The following NRG1 variants were observed in gnomAD, a reference collection of about 807,000 sequenced individuals.
NRG1 encodes pro-neuregulin-1, membrane-bound isoform.
A neutral mutation model predicts 63.8 loss-of-function variants in NRG1; 18 were observed. That is an observed-to-expected ratio of 0.28 (90% CI 0.19 to 0.42). NRG1 has a LOEUF of 0.42. Among genes scored for constraint, NRG1 ranks in the 10% least tolerant of loss-of-function variants. NRG1 has a pLI of 1.00. For synonymous variants in NRG1, 302 were observed against 301.3 expected, an observed-to-expected ratio of 1.00 and a Z score of -0.02; for missense variants, 762 against 814.7, an observed-to-expected ratio of 0.94 and a Z score of 0.79.
At chr8:32,283,293 G>T (rs925934872) in intron 1 of NRG1, among the ~76,000 whole-genome samples, 2 of 152,042 alleles carry the variant, frequency 1.3e-5, no homozygotes, top group African/African-American at 4.8e-5. Context: ...ACCTTTAGGA[G>T]ACAAGTTTCT....
At chr8:32,160,220 A>G (rs184218831) in intron 1 of NRG1, among the ~76,000 whole-genome samples, 56 of 152,348 alleles carry the variant, frequency 3.7e-4, no homozygotes, top group African/African-American at 1.3e-3. Flanking sequence ...TAAGGCAGAC[A>G]CGTTCAAATA....
At chr8:32,427,820 C>T (rs1010143981) in intron 1 of NRG1, among the ~76,000 whole-genome samples, 1 of 152,094 alleles carries the variant, frequency 6.6e-6, no homozygotes, top group African/African-American at 2.4e-5. Flanking sequence ...GGAGAAATGC[C>T]TCATTATTTA....
At chr8:32,186,392 C>T (rs947588801) in intron 1 of NRG1, among the ~76,000 whole-genome samples, 3 of 143,958 alleles carry the variant, frequency 2.1e-5, no homozygotes, top group Admixed American at 7.3e-5. Flanking sequence ...ACCCAGCTGG[C>T]GGAGTTTGCA....
At chr8:32,280,095 A>C (rs536226635) in intron 1 of NRG1, among the ~76,000 whole-genome samples, 2 of 152,324 alleles carry the variant, frequency 1.3e-5, no homozygotes, top group African/African-American at 4.8e-5. Context: ...AATGCTGATA[A>C]ATTCCTGTAT....
intron 1 of NRG1, among the ~76,000 whole-genome samples, chr8:32,225,423 T>C (rs1279823710): frequency 1.3e-5 from 2 of 152,170 alleles, no homozygotes; most frequent in African/African-American, 4.8e-5. Flanking sequence ...GCTACCCCTA[T>C]GCTGCCTAGG....
chr8:32,123,297 G>A (rs567135225), intron 1 of NRG1, among the ~76,000 whole-genome samples: 2 of 152,028 alleles, frequency 1.3e-5, no homozygotes, highest in South Asian at 2.1e-4. Context: ...AATCATGGGA[G>A]CAGGTCTTTC....
chr8:32,643,434 G>A (rs1035708074), intron 5 of NRG1, among the ~76,000 whole-genome samples: 2 of 152,174 alleles, frequency 1.3e-5, no homozygotes, highest in Non-Finnish European at 2.9e-5. Context: ...CAAGCCACAA[G>A]GAGAGGCCAC....
chr8:32,631,659 A>C (rs1850337358), intron 5 of NRG1, among the ~76,000 whole-genome samples: 1 of 152,200 alleles, frequency 6.6e-6, no homozygotes. Flanking sequence ...CATATGCATT[A>C]ATCACTGGGT....
intron 3 of NRG1, 47 bp from the exon 4 acceptor site, chr8:32,614,467 G>A (rs767148387): frequency 1.8e-5 from 29 of 1,586,180 alleles, no homozygotes; most frequent in South Asian, 5.6e-5. Context: ...ACCTGCTCCC[G>A]GCCTCCTGTT....
At chr8:32,012,275 G>GA (rs1366380558) in intron 1 of NRG1, among the ~76,000 whole-genome samples, 10 of 152,074 alleles carry the variant, frequency 6.6e-5, no homozygotes, top group Non-Finnish European at 1.5e-4. Flanking sequence ...TGCCAGCCAT[G>GA]AAAAATGCTT....
intron 1 of NRG1, among the ~76,000 whole-genome samples, chr8:32,080,821 CAGAA>C (rs201798261): frequency 0.01 from 1,538 of 147,916 alleles, 24 homozygotes; most frequent in African/African-American, 0.036. Context: ...CAGAGACAGA[CAGAA>C]AGAGAGTGCT....
At chr8:32,732,931 C>CCAAG (rs1824097418) in intron 6 of NRG1, among the ~76,000 whole-genome samples, 1 of 151,214 alleles carries the variant, frequency 6.6e-6, no homozygotes, top group South Asian at 2.1e-4. Flanking sequence ...CTTCAGCCTC[C>CCAAG]CAAGTAGCTG....
chr8:32,420,606 G>T (rs146799544), intron 1 of NRG1, among the ~76,000 whole-genome samples: 5 of 149,618 alleles, frequency 3.3e-5, no homozygotes, highest in East Asian at 3.9e-4. Context: ...ACATGCTATT[G>T]GTTAATCCAT....
At chr8:32,084,327 T>C (rs1827914629) in intron 1 of NRG1, among the ~76,000 whole-genome samples, 1 of 152,162 alleles carries the variant, frequency 6.6e-6, no homozygotes, top group South Asian at 2.1e-4. Context: ...CTCAGAAACA[T>C]GATTAGAACA....
At chr8:32,703,878 C>G (rs1221812203) in intron 5 of NRG1, among the ~76,000 whole-genome samples, 1 of 152,158 alleles carries the variant, frequency 6.6e-6, no homozygotes, top group Non-Finnish European at 1.5e-5. Context: ...GACCTCTACC[C>G]CAGTGACTCC....
chr8:32,453,899 C>T (rs148168914), intron 1 of NRG1, among the ~76,000 whole-genome samples: 226 of 152,318 alleles, frequency 1.5e-3, no homozygotes, highest in Non-Finnish European at 2.5e-3. Context: ...TGCAGAGAAA[C>T]TCCCTGTGTT....
At chr8:31,751,588 CTG>C (rs1816469103) in intron 1 of NRG1, among the ~76,000 whole-genome samples, 1 of 151,972 alleles carries the variant, frequency 6.6e-6, no homozygotes, top group South Asian at 2.1e-4. Context: ...GAATCAAAGA[CTG>C]TAACATGAGC....
intron 1 of NRG1, among the ~76,000 whole-genome samples, chr8:31,795,204 G>A (rs1379416789): frequency 6.6e-6 from 1 of 152,166 alleles, no homozygotes; most frequent in Non-Finnish European, 1.5e-5. Flanking sequence ...CTTAGGATGA[G>A]CTGTCACACA....
At chr8:31,830,998 C>T (rs530708674) in intron 1 of NRG1, among the ~76,000 whole-genome samples, 2 of 152,054 alleles carry the variant, frequency 1.3e-5, no homozygotes, top group African/African-American at 4.8e-5. Context: ...GGTGTCATTA[C>T]CAAGAAAAAG....
Sources: allele counts gnomAD v4.1 joint callset (sites outside exome capture counted in the v4.1 genomes callset), GRCh38; gene constraint gnomAD v4.1.1; transcripts MANE v1.5; gene names NCBI Gene and HGNC (gene_info 2026-07-23, HGNC 2026-07-21).